The following EFL1 variants were observed in gnomAD, a reference collection of about 807,000 sequenced individuals.
EFL1 encodes elongation factor-like GTPase 1.
In EFL1, 76 loss-of-function variants were observed where a neutral mutation model predicts 126.7. The observed-to-expected ratio is 0.60, with a 90% CI of 0.50 to 0.73. The LOEUF (loss-of-function observed/expected upper bound fraction) is 0.73, where lower values mean the gene tolerates loss of function less well. Among genes scored for constraint, EFL1 ranks in the 30% least tolerant of loss-of-function variants. The probability of loss-of-function intolerance (pLI) is 0.00; values close to 1 mark genes in which losing one functional copy is unlikely to be tolerated. For synonymous variants in EFL1, 410 were observed against 448.4 expected (o/e 0.91, Z 1.08); for missense variants, 1,128 against 1,343.2 (o/e 0.84, Z 2.50).
chr15:82,179,638 T>C (rs1348765381), intron 15 of EFL1, among the ~76,000 whole-genome samples: 1 of 151,958 alleles, frequency 6.6e-6, no homozygotes, highest in Non-Finnish European at 1.5e-5. Flanking sequence ...AGTCATAATA[T>C]ATACTCTCCT....
intron 15 of EFL1, among the ~76,000 whole-genome samples, chr15:82,171,246 T>C (rs931029417): frequency 1.3e-5 from 2 of 152,212 alleles, no homozygotes; most frequent in Non-Finnish European, 2.9e-5. Context: ...GCTATTTCTG[T>C]TAGTCGTGGA....
chr15:82,140,148 C>T (rs976792126), intron 18 of EFL1, among the ~76,000 whole-genome samples: 12 of 152,332 alleles, frequency 7.9e-5, no homozygotes, highest in Non-Finnish European at 1.2e-4. Flanking sequence ...CACCCCCTTT[C>T]CTCTTGTCTA....
At position 82,151,928 on chromosome 15, in the gene EFL1, A is replaced by G. The variant is rs773678909; in HGVS notation, c.2526T>C (p.Asp842=). 2 of 1,613,964 alleles carry G rather than the reference A, an allele frequency of 1.2e-6. No homozygotes were observed. Among genetic ancestry groups the G allele is most frequent in the East Asian group, 2.2e-5 (1 of 44,856 alleles). ...GPNILVNKSE[D]FQNSVWTGPA... is the part of the protein sequence containing the mutation. Reference sequence around the variant, plus strand: ...GACCTGTCCATACTGAGTTCTGAAAATCTTCACTTTTATTGACTAGTATGT... The same window carrying G: ...GACCTGTCCATACTGAGTTCTGAAAGTCTTCACTTTTATTGACTAGTATGT... Residue 842 remains aspartate, a synonymous_variant, in exon 18 of 20, where the codon GAT becomes GAC. Coordinates refer to ENST00000268206, the MANE Select transcript of EFL1 (RefSeq NM_024580.6).
At position 82,186,069 on chromosome 15, in the gene EFL1, TC is replaced by T. The variant is rs1339768916; in HGVS notation, c.1751-22086del. 1.7e-4 allele frequency among the ~76,000 whole-genome samples: 26 copies of T among 152,264 alleles called. 1 individual carries two copies. Among genetic ancestry groups the T allele is most frequent in the Admixed American group, 1.3e-4 (2 of 15,294 alleles). ...TTTGCTTTTTTCTTTACTAGTATCT[TC>T]TTTTTTTTTGTAAGGGGGGACTTGT... On this transcript the variant is annotated intron_variant, in intron 15 of 19. Coordinates refer to ENST00000268206, the MANE Select transcript of EFL1 (RefSeq NM_024580.6).
At chr15:82,133,436 C>T (rs978531913) in intron 19 of EFL1, among the ~76,000 whole-genome samples, 1 of 152,178 alleles carries the variant, frequency 6.6e-6, no homozygotes, top group African/African-American at 2.4e-5. Context: ...TGTTTGCAGA[C>T]TGCCATGAAG....
Position 82,214,859 on chromosome 15 carries a change from G to T in EFL1, c.1612-4C>A, listed in dbSNP as rs533164148. ...GAGCTGAGAAGCCTAATGGTACCTG[G>T]GCAAAGAAAAATGATGGAAGACAAG... is the stretch of plus-strand genomic sequence containing the variant. On this transcript the variant is annotated splice_region_variant and splice_polypyrimidine_tract_variant and intron_variant, in intron 14 of 19. Coordinates refer to ENST00000268206, the MANE Select transcript of EFL1 (RefSeq NM_024580.6). The T allele has an allele frequency of 6.3e-7, 1 of 1,588,656 alleles. No individual in the cohort carries two copies. The highest frequency in any genetic ancestry group is 2.2e-5 in the East Asian group (1 of 44,608).
At chr15:82,132,334 A>G (rs758381639) in intron 19 of EFL1, among the ~76,000 whole-genome samples, 1 of 152,104 alleles carries the variant, frequency 6.6e-6, no homozygotes, top group Non-Finnish European at 1.5e-5. Context: ...CTGGGACACA[A>G]TGAAGTCCTT....
chr15:82,248,931 T>C (rs1261440984), intron 4 of EFL1, among the ~76,000 whole-genome samples: 1 of 152,092 alleles, frequency 6.6e-6, no homozygotes, highest in Non-Finnish European at 1.5e-5. Flanking sequence ...AATAATATTG[T>C]ACTTAATAAT....
chr15:82,208,988 C>T (rs1490185522), intron 15 of EFL1, among the ~76,000 whole-genome samples: 1 of 151,640 alleles, frequency 6.6e-6, no homozygotes, highest in Non-Finnish European at 1.5e-5. Context: ...CACATAACTA[C>T]TAGGAAAAAA....
chr15:82,146,404 AAC>A (rs1038838242), intron 18 of EFL1, among the ~76,000 whole-genome samples: 2 of 152,204 alleles, frequency 1.3e-5, no homozygotes, highest in African/African-American at 4.8e-5. Context: ...AGGCCTTAGG[AAC>A]ACAGAAGTTC....
intron 16 of EFL1, among the ~76,000 whole-genome samples, chr15:82,158,309 T>C (rs2073988329): frequency 6.6e-6 from 1 of 152,252 alleles, no homozygotes; most frequent in Non-Finnish European, 1.5e-5. Flanking sequence ...AATAATTATT[T>C]GTGAAACTGC....
chr15:82,262,017 T>A (rs1436915403), intron 1 of EFL1: 1 of 414,164 alleles, frequency 2.4e-6, no homozygotes, highest in East Asian at 4.0e-5. Context: ...TGCTCATCCT[T>A]CCGGATCCAA....
intron 15 of EFL1, among the ~76,000 whole-genome samples, chr15:82,170,153 C>T (rs980404599): frequency 2.2e-4 from 27 of 124,000 alleles, no homozygotes; most frequent in African/African-American, 7.7e-4. Flanking sequence ...CTCGCTCTGT[C>T]GCCCAGGCTG....
Position 82,163,973 on chromosome 15 carries a change from G to A in EFL1, c.1762C>T (p.Leu588Phe), listed in dbSNP as rs1422388562. 1 of 1,613,928 alleles carries A rather than the reference G, an allele frequency of 6.2e-7. No individual in the cohort carries two copies. The highest frequency in any genetic ancestry group is 1.1e-5 in the South Asian group (1 of 91,040). The change falls in exon 16 of 20, where the codon CTT (leucine) becomes TTT (phenylalanine). Residue 588 changes from leucine to phenylalanine, a missense_variant. Coordinates refer to ENST00000268206, the MANE Select transcript of EFL1 (RefSeq NM_024580.6). The part of the protein sequence containing the change: ...PPGNVLGIGG[L>F]QDFVLKSATL... ...GCAGATTTCAGCACAAAATCTTGAA[G>A]GCCTCCTATTCCTGTAGGAAGAAAA...
At chr15:82,253,260 G>A (rs1376156085) in intron 3 of EFL1, among the ~76,000 whole-genome samples, 1 of 151,812 alleles carries the variant, frequency 6.6e-6, no homozygotes, top group Admixed American at 6.6e-5. Context: ...GGCTGGTCTT[G>A]AGCTCCTGAC....
rs971433340 is a variant in EFL1, at chr15:82,170,215, T to C, written c.1751-6231A>G. ...CTGCAAGCTCCGCCTCCCGGGTTCA[T>C]GCCATTCTCCTGCCTCAGCCTCCCA... On this transcript the variant is annotated intron_variant, in intron 15 of 19. Transcript: ENST00000268206. Among the ~76,000 whole-genome samples, 4 of 145,686 alleles carry C rather than the reference T, an allele frequency of 2.7e-5. No individual in the cohort carries two copies. The East Asian group carries it at 6.2e-4, about 23-fold the overall frequency.
intron 15 of EFL1, among the ~76,000 whole-genome samples, chr15:82,208,316 T>C (rs1181968500): frequency 6.6e-6 from 1 of 152,230 alleles, no homozygotes; most frequent in African/African-American, 2.4e-5. Flanking sequence ...TACACATTTC[T>C]CAAGAGCAGC....
chr15:82,148,519 A>T (rs781013062), intron 18 of EFL1, among the ~76,000 whole-genome samples: 11 of 152,294 alleles, frequency 7.2e-5, no homozygotes, highest in South Asian at 2.1e-4. Flanking sequence ...GTTACAGAGG[A>T]TAGCAAGAAA....
chr15:82,136,076 C>T (rs2073718553), intron 19 of EFL1, among the ~76,000 whole-genome samples: 1 of 151,382 alleles, frequency 6.6e-6, no homozygotes, highest in Non-Finnish European at 1.5e-5. Context: ...TATCTGACAA[C>T]TAAGAAATGA....
Sources: allele counts gnomAD v4.1 joint callset (sites outside exome capture counted in the v4.1 genomes callset), GRCh38; gene constraint gnomAD v4.1.1; transcripts MANE v1.5; gene names NCBI Gene and HGNC (gene_info 2026-07-23, HGNC 2026-07-21).